PIWIL4: variants seen among roughly 807,000 people sequenced by gnomAD.
PIWIL4 encodes piwi like RNA-mediated gene silencing 4.
In PIWIL4, 50 loss-of-function variants were observed where a neutral mutation model predicts 100.9. The ratio of observed to expected loss-of-function variants is 0.50; its 90% CI spans 0.39 to 0.63. The LOEUF is 0.63. PIWIL4 is among the 20% of genes least tolerant of loss of function. PIWIL4 has a pLI of 0.00. For synonymous variants in PIWIL4, 342 were observed against 367.5 expected (o/e 0.93, Z 0.79); for missense variants, 887 against 1,043.3 (o/e 0.85, Z 2.06).
At chr11:94,585,612 C>T in intron 6 of PIWIL4, 87 bp downstream of exon 6, 1 of 935,186 alleles carries the variant, frequency 1.1e-6, no homozygotes, top group Non-Finnish European at 1.6e-6. Context: ...CATTATGCCT[C>T]CTGTGAGAGA....
In PIWIL4 at chr11:94,589,196, T is replaced by C; in HGVS notation, c.990T>C (p.Asp330=). ...VKPTHTFQKR[D]GTEITYVDYY... ...CCACACACACCTTTCAGAAGCGGGA[T>C]GGCACCGAGATCACCTATGTGGATT... is the stretch of plus-strand genomic sequence containing the variant. Residue 330 remains aspartate (D), a synonymous_variant, in exon 8 of 20, where the codon GAT becomes GAC. Coordinates refer to ENST00000299001, the MANE Select transcript of PIWIL4 (RefSeq NM_152431.3). The C allele has an allele frequency of 6.2e-7, 1 of 1,611,252 alleles. No individual in the cohort carries two copies. Among genetic ancestry groups the C allele is most frequent in the Non-Finnish European group, 8.5e-7 (1 of 1,177,390 alleles).
At chr11:94,614,338 G>A (rs540830358) in intron 15 of PIWIL4, among the ~76,000 whole-genome samples, 11 of 122,088 alleles carry the variant, frequency 9.0e-5, no homozygotes, top group Non-Finnish European at 1.5e-4. Context: ...ATAGAGTTTC[G>A]CTCTTGTCAC....
rs946375198 is a variant in PIWIL4 at position 94,592,552 on chromosome 11, A to AT, written c.1027-965dup. 2.6e-5 allele frequency among the ~76,000 whole-genome samples: 4 copies of AT among 152,336 alleles called. No individual in the cohort carries two copies. In the East Asian group the frequency reaches 7.7e-4, roughly 29 times the overall value. On this transcript the variant is annotated intron_variant, in intron 8 of 19. Coordinates refer to ENST00000299001, the MANE Select transcript of PIWIL4 (RefSeq NM_152431.3). Reference sequence around the variant, plus strand: ...CATCAGTTGCACCTGCTACTTTCAAATGAGATTCTTGACTTGGTTTTTATT... The same window carrying AT: ...CATCAGTTGCACCTGCTACTTTCAAATTGAGATTCTTGACTTGGTTTTTATT...
At chr11:94,607,203 G>T (rs1948732264) in intron 13 of PIWIL4, among the ~76,000 whole-genome samples, 1 of 152,126 alleles carries the variant, frequency 6.6e-6, no homozygotes, top group South Asian at 2.1e-4. Context: ...AAATGGGTAG[G>T]AGTGGGTGGG....
intron 2 of PIWIL4, among the ~76,000 whole-genome samples, chr11:94,569,720 C>A (rs1289769800): frequency 6.8e-6 from 1 of 146,906 alleles, no homozygotes. Context: ...AACAGAAAGT[C>A]AAATCCTGCA....
At chr11:94,585,272 G>A (rs1476752336) in intron 5 of PIWIL4, among the ~76,000 whole-genome samples, 173 bp from the exon 6 acceptor site, 3 of 152,172 alleles carry the variant, frequency 2.0e-5, no homozygotes, top group African/African-American at 7.2e-5. Context: ...AGAAGTGATA[G>A]TTCTTTATAG....
chr11:94,595,227 G>T, intron 9 of PIWIL4, 82 bp from the exon 10 acceptor site: 4 of 1,101,150 alleles, frequency 3.6e-6, no homozygotes, highest in Non-Finnish European at 5.4e-6. Flanking sequence ...ATGCATTCAA[G>T]TGGAAAGGTT....
intron 15 of PIWIL4, among the ~76,000 whole-genome samples, chr11:94,609,060 C>A (rs1948759335): frequency 6.6e-6 from 1 of 152,172 alleles, no homozygotes; most frequent in Non-Finnish European, 1.5e-5. Context: ...TGGATTTATA[C>A]CCTGGTCTGC....
chr11:94,585,666 T>C, intron 6 of PIWIL4, 141 bp downstream of exon 6: 1 of 594,788 alleles, frequency 1.7e-6, no homozygotes, highest in East Asian at 3.3e-5. Flanking sequence ...ATTTTCAAGT[T>C]TTTTTAATAA....
chr11:94,619,205 T>C (rs765058372), intron 17 of PIWIL4, among the ~76,000 whole-genome samples: 3 of 152,174 alleles, frequency 2.0e-5, no homozygotes, highest in Non-Finnish European at 4.4e-5. Flanking sequence ...ATGACAGATA[T>C]TAGGATTTCG....
Position 94,621,053 on chromosome 11 carries a change from C to A in PIWIL4, c.*61C>A. On this transcript the variant is annotated 3_prime_UTR_variant, in exon 20 of 20. Transcript: ENST00000299001. Reference sequence around the variant, plus strand: ...CAAGAAGAAATTGGTATACTTTGTGCAAATCTGCCATAAGCTCAAGGCTGT... The same window carrying A: ...CAAGAAGAAATTGGTATACTTTGTGAAAATCTGCCATAAGCTCAAGGCTGT... 2 of 1,217,088 alleles carry A rather than the reference C, an allele frequency of 1.6e-6. No homozygotes were observed. Among genetic ancestry groups the A allele is most frequent in the Non-Finnish European group, 2.4e-6 (2 of 828,374 alleles). The allele number at this position is 1,217,088 out of a possible 1,614,324, so 75.4% of individuals were successfully genotyped here. A position where few individuals can be genotyped will look rare whatever the true frequency, so the allele number is the denominator to read the frequency against.
intron 9 of PIWIL4, 80 bp from the exon 10 acceptor site, chr11:94,595,229 G>T (rs1948540591): frequency 1.8e-6 from 2 of 1,122,316 alleles, no homozygotes; most frequent in South Asian, 2.7e-5. Flanking sequence ...GCATTCAAGT[G>T]GAAAGGTTTA....
chr11:94,577,673 A>C (rs1948256995), intron 4 of PIWIL4, among the ~76,000 whole-genome samples, 181 bp downstream of exon 4: 1 of 152,236 alleles, frequency 6.6e-6, no homozygotes, highest in South Asian at 2.1e-4. Flanking sequence ...CAAGGTCAAG[A>C]CACTTTTATA....
At position 94,593,763 on chromosome 11, in the gene PIWIL4, G is replaced by A. The variant is rs1948518236; in HGVS notation, c.1150+122G>A. On this transcript the variant is annotated intron_variant, in intron 9 of 19. Coordinates refer to ENST00000299001, the MANE Select transcript of PIWIL4 (RefSeq NM_152431.3). The stretch of plus-strand genomic sequence containing the variant: ...ACATCGATTTAACCCATGGAGGATG[G>A]TCCTTTTAAGTAATTTATTCAATAA... The A allele has an allele frequency of 6.4e-6, 7 of 1,089,502 alleles. No individual in the cohort carries two copies. The East Asian group carries it at 1.5e-4, about 23-fold the overall frequency. 67.5% of individuals were successfully genotyped at this position (1,089,502 alleles called of 1,614,324 possible). A position where few individuals can be genotyped will look rare whatever the true frequency, so the allele number is the denominator to read the frequency against.
At chr11:94,582,662 T>C (rs1488365141) in intron 4 of PIWIL4, among the ~76,000 whole-genome samples, 1 of 152,240 alleles carries the variant, frequency 6.6e-6, no homozygotes, top group Non-Finnish European at 1.5e-5. Flanking sequence ...TTCAAGAAGC[T>C]TTACATTTAG....
At chr11:94,571,323 A>G (rs928610475) in intron 2 of PIWIL4, among the ~76,000 whole-genome samples, 6 of 152,146 alleles carry the variant, frequency 3.9e-5, no homozygotes, top group South Asian at 2.1e-4. Context: ...TCAAGGGTAC[A>G]TGTGCACAAC....
intron 15 of PIWIL4, among the ~76,000 whole-genome samples, chr11:94,616,127 C>G (rs77688065): frequency 0.015 from 2,279 of 152,280 alleles, 23 homozygotes; most frequent in Middle Eastern, 0.024. Context: ...TTACAAATAT[C>G]ATGTGATTTA....
At chr11:94,620,844 CTTAATTA>C in intron 19 of PIWIL4, 25 bp from the exon 20 acceptor site, 1 of 1,509,332 alleles carries the variant, frequency 6.6e-7, no homozygotes, top group Non-Finnish European at 9.2e-7. Context: ...AAGGTAATCT[CTTAATTA>C]TTATCAATAC....
chr11:94,614,300 C>CTTTTTTTTTTTTTTTT (rs57731239), intron 15 of PIWIL4, among the ~76,000 whole-genome samples: 57 of 120,072 alleles, frequency 4.7e-4, no homozygotes, highest in Middle Eastern at 5.6e-3. Context: ...TTTTTCTTTT[C>CTTTTTTTTTTTTTTTT]TTTTTTTTTT....
Sources: gnomAD v4.1 joint callset for allele counts (sites outside exome capture counted in the v4.1 genomes callset) on GRCh38, gnomAD v4.1.1 for gene constraint, MANE v1.5 for transcripts, NCBI Gene and HGNC (gene_info 2026-07-23, HGNC 2026-07-21) for gene names.